Variants in CCDC138 observed in about 807,000 individuals in gnomAD.
CCDC138 encodes coiled-coil domain-containing protein 138.
CCDC138 carries 66 observed loss-of-function variants against 82.3 expected under a neutral mutation model. That is an observed-to-expected ratio of 0.80 (90% confidence interval 0.66 to 0.98). The LOEUF (loss-of-function observed/expected upper bound fraction) is 0.98. CCDC138 is among the 50% of genes least tolerant of loss of function. CCDC138 has a pLI of 0.00. For missense variants in CCDC138, 816 were observed against 758.9 expected (o/e 1.08, Z -0.88); for synonymous variants, 297 against 265.4 (o/e 1.12, Z -1.16).
intron 12 of CCDC138, among the ~76,000 whole-genome samples, chr2:108,852,909 C>G (rs528388046): frequency 6.6e-6 from 1 of 152,050 alleles, no homozygotes; most frequent in South Asian, 2.1e-4. Context: ...ATAAAAAAAC[C>G]CAACCATTAC....
chr2:108,810,904 A>G (rs1447611046), intron 7 of CCDC138, among the ~76,000 whole-genome samples: 1 of 152,088 alleles, frequency 6.6e-6, no homozygotes, highest in Non-Finnish European at 1.5e-5. Context: ...TTCTTGGTTC[A>G]GTCTTACGTT....
At chr2:108,843,648 A>C (rs1689891167) in intron 11 of CCDC138, among the ~76,000 whole-genome samples, 1 of 151,636 alleles carries the variant, frequency 6.6e-6, no homozygotes, top group South Asian at 2.1e-4. Flanking sequence ...CATTTGAGTT[A>C]TTTTCCCCAT....
intron 10 of CCDC138, among the ~76,000 whole-genome samples, chr2:108,822,056 T>C (rs1401763460): frequency 6.6e-6 from 1 of 152,052 alleles, no homozygotes; most frequent in African/African-American, 2.4e-5. Context: ...GTATGCTGTC[T>C]ACAAGGGACT....
intron 13 of CCDC138, among the ~76,000 whole-genome samples, chr2:108,863,201 TTTA>T (rs1305913486): frequency 6.6e-6 from 1 of 152,218 alleles, no homozygotes; most frequent in Non-Finnish European, 1.5e-5. Flanking sequence ...TATTATGTTT[TTTA>T]TTATTTAGGA....
chr2:108,789,320 C>T (rs1337741438), intron 3 of CCDC138, among the ~76,000 whole-genome samples: 1 of 152,128 alleles, frequency 6.6e-6, no homozygotes, highest in Non-Finnish European at 1.5e-5. Context: ...GGGCCAGGTG[C>T]GGTGGCTCAC....
At chr2:108,809,796 T>TTTTG (rs70956279) in intron 7 of CCDC138, among the ~76,000 whole-genome samples, 1,514 of 150,786 alleles carry the variant, frequency 0.01, 21 homozygotes, top group African/African-American at 0.035. Flanking sequence ...CATTTCCAAT[T>TTTTG]TTTGTTTGTT....
chr2:108,788,124 AAATTT>A, intron 2 of CCDC138, 35 bp downstream of exon 2: 1 of 1,591,496 alleles, frequency 6.3e-7, no homozygotes, highest in South Asian at 1.1e-5. Flanking sequence ...GGGGTTTCAA[AAATTT>A]AATTTGAGGC....
At chr2:108,872,499 C>G (rs1245549073) in intron 13 of CCDC138, among the ~76,000 whole-genome samples, 5 of 152,200 alleles carry the variant, frequency 3.3e-5, no homozygotes, top group African/African-American at 1.2e-4. Flanking sequence ...GCATATACCA[C>G]TTAGTCTGTT....
At chr2:108,805,700 C>A (rs1363834894) in intron 7 of CCDC138, among the ~76,000 whole-genome samples, 2 of 151,728 alleles carry the variant, frequency 1.3e-5, no homozygotes, top group Non-Finnish European at 2.9e-5. Flanking sequence ...GCACTCCAGC[C>A]TGGGCGACAG....
intron 13 of CCDC138, among the ~76,000 whole-genome samples, chr2:108,865,804 T>A (rs1205434853): frequency 6.6e-6 from 1 of 152,150 alleles, no homozygotes; most frequent in African/African-American, 2.4e-5. Flanking sequence ...TACTCCGTGA[T>A]GAGCCAGAGG....
intron 10 of CCDC138, among the ~76,000 whole-genome samples, chr2:108,837,187 C>T (rs981630319): frequency 1.3e-5 from 2 of 152,096 alleles, no homozygotes; most frequent in South Asian, 4.2e-4. Flanking sequence ...TATATATAGC[C>T]TTTATTATAT....
chr2:108,794,502 T>C, intron 4 of CCDC138, 38 bp from the exon 5 acceptor site: 1 of 1,547,314 alleles, frequency 6.5e-7, no homozygotes, highest in Non-Finnish European at 8.8e-7. Context: ...AACAATAAGT[T>C]AATAAAGTTT....
chr2:108,857,541 C>G (rs1692828109), intron 13 of CCDC138, among the ~76,000 whole-genome samples: 3 of 152,170 alleles, frequency 2.0e-5, no homozygotes. Flanking sequence ...TACCAAAGCA[C>G]TGTAACTAGG....
At chr2:108,816,841 A>G (rs2149946195) in intron 10 of CCDC138, among the ~76,000 whole-genome samples, 1 of 152,242 alleles carries the variant, frequency 6.6e-6, no homozygotes, top group Middle Eastern at 3.4e-3. Flanking sequence ...CTACAGGTAT[A>G]CACCACCTTG....
intron 14 of CCDC138, 103 bp downstream of exon 14, chr2:108,873,692 G>A: frequency 1.5e-6 from 1 of 679,524 alleles, no homozygotes; most frequent in Non-Finnish European, 2.4e-6. Flanking sequence ...CACACTGGAT[G>A]AAGAAGAATT....
intron 2 of CCDC138, 100 bp from the exon 3 acceptor site, chr2:108,788,752 G>A (rs957832994): frequency 9.5e-6 from 14 of 1,467,526 alleles, no homozygotes; most frequent in African/African-American, 4.4e-5. Context: ...ATTTGAGAGA[G>A]AAGATTTTAA....
chr2:108,865,826 G>A (rs910310764), intron 13 of CCDC138, among the ~76,000 whole-genome samples: 2 of 152,190 alleles, frequency 1.3e-5, no homozygotes, highest in Non-Finnish European at 2.9e-5. Flanking sequence ...AGAGGGCGGG[G>A]TGGCTATAGT....
In CCDC138 at chr2:108,816,021, A is replaced by C. The variant is rs1684732950; in HGVS notation, c.1122A>C (p.Lys374Asn). The C allele has an allele frequency of 6.2e-7, 1 of 1,613,916 alleles. No homozygotes were observed. The highest frequency in any genetic ancestry group is 8.5e-7 in the Non-Finnish European group (1 of 1,179,862). The change falls in exon 10 of 15, where the codon AAA (lysine) becomes AAC (asparagine). Residue 374 changes from lysine (K) to asparagine (N), a missense_variant. Transcript: ENST00000295124. Reference sequence around the variant, plus strand: ...CGGATCATCATCTTAGCAAAGTGAAACATGAAGAATCTGGAATGGATGGTA... The same window carrying C: ...CGGATCATCATCTTAGCAAAGTGAACCATGAAGAATCTGGAATGGATGGTA... ...WISDHHLSKV[K>N]HEESGMDGKK...
At chr2:108,827,722 A>T (rs1008967760) in intron 10 of CCDC138, among the ~76,000 whole-genome samples, 1 of 151,954 alleles carries the variant, frequency 6.6e-6, no homozygotes, top group Non-Finnish European at 1.5e-5. Context: ...AGGCTGAGGC[A>T]GGAGAATGGC....
Sources: allele counts gnomAD v4.1 joint callset (sites outside exome capture counted in the v4.1 genomes callset), GRCh38; gene constraint gnomAD v4.1.1; transcripts MANE v1.5; gene names NCBI Gene and HGNC (gene_info 2026-07-23, HGNC 2026-07-21).